The following SGIP1 variants were observed in gnomAD, a reference collection of about 807,000 sequenced individuals.
The protein encoded by SGIP1 is SH3-containing GRB2-like protein 3-interacting protein 1.
SGIP1 carries 38 observed loss-of-function variants against 107.5 expected under a neutral mutation model. That is an observed-to-expected ratio of 0.35 (90% CI 0.27 to 0.46). The LOEUF is 0.46. Ranked by LOEUF, SGIP1 falls within the 20% of genes least tolerant of loss-of-function variation. The pLI is 1.00. For missense variants in SGIP1, 929 were observed against 1,019.5 expected (o/e 0.91, Z 1.21); for synonymous variants, 365 against 366.1 (o/e 1.00, Z 0.03).
intron 1 of SGIP1, among the ~76,000 whole-genome samples, chr1:66,559,477 T>G (rs1222232439): frequency 1.3e-5 from 2 of 152,044 alleles, no homozygotes; most frequent in African/African-American, 4.8e-5. Context: ...AAGAGAAAAC[T>G]CTAACTCAAA....
At chr1:66,626,092 A>C (rs974270315) in intron 2 of SGIP1, 182 bp downstream of exon 2, 9 of 369,240 alleles carry the variant, frequency 2.4e-5, no homozygotes, top group Non-Finnish European at 3.8e-5. Context: ...AAAAGGTAAA[A>C]ATTTTTCATC....
intron 1 of SGIP1, among the ~76,000 whole-genome samples, chr1:66,555,827 C>T (rs913608132): frequency 6.6e-6 from 1 of 152,124 alleles, no homozygotes; most frequent in African/African-American, 2.4e-5. Flanking sequence ...ATTATCCATA[C>T]TGTTCCCATT....
At chr1:66,683,982 G>A in intron 15 of SGIP1, 1 of 1,406,930 alleles carries the variant, frequency 7.1e-7, no homozygotes, top group East Asian at 2.6e-5. Flanking sequence ...CTCCCAAAGT[G>A]CTGGGATTAT....
At chr1:66,566,671 C>T (rs72670251) in intron 1 of SGIP1, among the ~76,000 whole-genome samples, 18,901 of 151,658 alleles carry the variant, frequency 0.12, 1,220 homozygotes, top group South Asian at 0.14. Context: ...ATTGTTTTTG[C>T]CTTCCTCAGA....
At chr1:66,705,892 G>C (rs1014190614) in intron 18 of SGIP1, among the ~76,000 whole-genome samples, 1 of 152,084 alleles carries the variant, frequency 6.6e-6, no homozygotes, top group Non-Finnish European at 1.5e-5. Context: ...CAAGGAGAGG[G>C]AGAGCATTAG....
At chr1:66,660,009 A>AGGAAGGAAGGAAGGAAGGAAGGAAGGAAG in intron 7 of SGIP1, 1 of 81,534 alleles carries the variant, frequency 1.2e-5, no homozygotes, top group Admixed American at 1.9e-4. Flanking sequence ...ACAGACAGAC[A>AGGAAGGAAGGAAGGAAGGAAGGAAGGAAG]GACAGACAGG....
intron 1 of SGIP1, among the ~76,000 whole-genome samples, chr1:66,536,597 C>T (rs917363753): frequency 3.3e-5 from 5 of 152,152 alleles, no homozygotes; most frequent in African/African-American, 1.2e-4. Context: ...TAACTCATCT[C>T]TAGAGATTGC....
chr1:66,647,140 G>T (rs183868757), intron 7 of SGIP1, among the ~76,000 whole-genome samples: 199 of 152,290 alleles, frequency 1.3e-3, no homozygotes, highest in African/African-American at 4.4e-3. Flanking sequence ...AGTCAAAGCT[G>T]ATAGACAGTC....
In SGIP1 at chr1:66,709,610, C is replaced by T. The variant is rs144562511; in HGVS notation, c.1631-9684C>T. Among the ~76,000 whole-genome samples the T allele has an allele frequency of 2.8e-4, 43 of 152,186 alleles. No homozygotes were observed. The East Asian group carries it at 7.0e-3, about 25-fold the overall frequency. On this transcript the variant is annotated intron_variant, in intron 18 of 24. Coordinates refer to ENST00000371037, the MANE Select transcript of SGIP1 (RefSeq NM_032291.4). ...CAAGTACTCAATAATATTGTTCCTC[C>T]CCTTTTGAGGTTTGCCCTTTTTCCT...
chr1:66,556,103 G>A (rs181624188), intron 1 of SGIP1, among the ~76,000 whole-genome samples: 217 of 152,124 alleles, frequency 1.4e-3, no homozygotes, highest in Non-Finnish European at 2.5e-3. Flanking sequence ...AACAAAAATA[G>A]CTCCTAAGTC....
chr1:66,630,813 A>T (rs963585052), intron 2 of SGIP1, among the ~76,000 whole-genome samples: 2 of 5,586 alleles, frequency 3.6e-4, no homozygotes. Context: ...GAAAGAAAGA[A>T]AGAAAGAAAG....
At chr1:66,737,650 A>G (rs747169582) in intron 21 of SGIP1, among the ~76,000 whole-genome samples, 21 of 152,236 alleles carry the variant, frequency 1.4e-4, no homozygotes, top group Admixed American at 2.6e-4. Context: ...TCATCTACAA[A>G]TAAGGGTAAT....
intron 1 of SGIP1, among the ~76,000 whole-genome samples, chr1:66,592,952 C>T (rs1255988847): frequency 7.9e-6 from 1 of 126,886 alleles, no homozygotes; most frequent in Non-Finnish European, 1.6e-5. Flanking sequence ...CCACATTGCC[C>T]AGGCTGATCT....
chr1:66,739,634 C>T (rs2094383347), intron 22 of SGIP1, 97 bp downstream of exon 22: 3 of 1,271,534 alleles, frequency 2.4e-6, no homozygotes, highest in South Asian at 2.6e-5. Context: ...GAGATGACAG[C>T]AGGCCTGTGC....
rs1439728056 is a variant in SGIP1, at chr1:66,659,984, AAGAAAGAAAGAAAGAC to A, written c.460-525_460-510del. 25 of 89,362 alleles carry A rather than the reference AAGAAAGAAAGAAAGAC, an allele frequency of 2.8e-4. 1 individual carries two copies. The highest frequency in any genetic ancestry group is 1.4e-3 in the African/African-American group (19 of 13,222). 5.5% of individuals were successfully genotyped at this position (89,362 alleles called of 1,614,324 possible). A position where few individuals can be genotyped will look rare whatever the true frequency, so the allele number is the denominator to read the frequency against. On this transcript the variant is annotated intron_variant, in intron 7 of 24. Transcript: ENST00000371037. ...AAAGAAAGAAAGAAAGAAAGAAAGA[AAGAAAGAAAGAAAGAC>A]AGACAGACAGACAGACAGGAAGGAA...
At chr1:66,545,461 G>C (rs912707541) in intron 1 of SGIP1, among the ~76,000 whole-genome samples, 3 of 152,206 alleles carry the variant, frequency 2.0e-5, no homozygotes, top group African/African-American at 7.2e-5. Flanking sequence ...GCTTAAACCT[G>C]TGTGTGTGAC....
At chr1:66,719,611 T>C (rs1047757457) in intron 19 of SGIP1, among the ~76,000 whole-genome samples, 1 of 152,222 alleles carries the variant, frequency 6.6e-6, no homozygotes, top group African/African-American at 2.4e-5. Context: ...GAGAATTTAC[T>C]CTAGAAATCT....
chr1:66,700,200 G>A (rs994180714), intron 18 of SGIP1, among the ~76,000 whole-genome samples: 4 of 152,066 alleles, frequency 2.6e-5, no homozygotes, highest in African/African-American at 7.2e-5. Context: ...CCGAAACCCC[G>A]CCTCTACTAA....
intron 18 of SGIP1, among the ~76,000 whole-genome samples, chr1:66,708,282 A>C (rs2092666845): frequency 6.6e-6 from 1 of 152,206 alleles, no homozygotes. Flanking sequence ...CGGCCATCGT[A>C]TACAAGTGCT....
Sources: gnomAD v4.1 joint callset for allele counts (sites outside exome capture counted in the v4.1 genomes callset) on GRCh38, gnomAD v4.1.1 for gene constraint, MANE v1.5 for transcripts, NCBI Gene and HGNC (gene_info 2026-07-23, HGNC 2026-07-21) for gene names.